The following GRIN3A variants were observed in gnomAD, a reference collection of about 807,000 sequenced individuals.
GRIN3A encodes glutamate ionotropic receptor NMDA type subunit 3A.
GRIN3A carries 47 observed loss-of-function variants against 92.4 expected under a neutral mutation model. The observed-to-expected ratio is 0.51, with a 90% CI of 0.40 to 0.65. GRIN3A has a LOEUF of 0.65. Among genes scored for constraint, GRIN3A ranks in the 30% least tolerant of loss-of-function variants. The pLI, the probability that GRIN3A is intolerant of heterozygous loss-of-function variation, is 0.00. For synonymous variants in GRIN3A, 527 were observed against 540.6 expected (o/e 0.97, Z 0.35); for missense variants, 1,324 against 1,393.1 (o/e 0.95, Z 0.79).
At chr9:101,577,918 A>G in intron 7 of GRIN3A, 74 bp from the exon 8 acceptor site, 2 of 1,041,842 alleles carry the variant, frequency 1.9e-6, no homozygotes, top group Non-Finnish European at 3.0e-6. Flanking sequence ...ACCACTTGAG[A>G]TGTAACAGTA....
chr9:101,659,108 A>C (rs1042070983), intron 3 of GRIN3A, among the ~76,000 whole-genome samples: 2 of 151,918 alleles, frequency 1.3e-5, no homozygotes, highest in Non-Finnish European at 2.9e-5. Flanking sequence ...ACACAGATAA[A>C]TATTTATTGA....
intron 3 of GRIN3A, among the ~76,000 whole-genome samples, chr9:101,637,316 A>G (rs1053994141): frequency 6.6e-6 from 1 of 152,100 alleles, no homozygotes; most frequent in Admixed American, 6.5e-5. Flanking sequence ...GATGGTCTCC[A>G]TCTCCTGACC....
intron 3 of GRIN3A, among the ~76,000 whole-genome samples, chr9:101,667,050 G>C (rs1829248145): frequency 6.6e-6 from 1 of 151,924 alleles, no homozygotes; most frequent in South Asian, 2.1e-4. Context: ...AAGATCCTCT[G>C]TTATCTCAAT....
At chr9:101,633,782 G>A (rs747890022) in intron 3 of GRIN3A, among the ~76,000 whole-genome samples, 1 of 148,606 alleles carries the variant, frequency 6.7e-6, no homozygotes, top group Non-Finnish European at 1.5e-5. Flanking sequence ...CACAAAATCG[G>A]TCCCTGGTGC....
chr9:101,601,989 A>G (rs1828217347), intron 6 of GRIN3A, among the ~76,000 whole-genome samples: 1 of 152,182 alleles, frequency 6.6e-6, no homozygotes, highest in Admixed American at 6.5e-5. Flanking sequence ...CTGAAGTCTT[A>G]TTGGACAGAA....
intron 4 of GRIN3A, among the ~76,000 whole-genome samples, chr9:101,623,717 T>C (rs1465599202): frequency 6.6e-6 from 1 of 152,234 alleles, no homozygotes; most frequent in Non-Finnish European, 1.5e-5. Flanking sequence ...CCACTCTGAA[T>C]TGAATAGGAA....
intron 6 of GRIN3A, among the ~76,000 whole-genome samples, chr9:101,600,447 T>C (rs1010178566): frequency 2.0e-5 from 3 of 152,184 alleles, no homozygotes; most frequent in African/African-American, 7.2e-5. Context: ...AGATGGACAT[T>C]AACCAAATTA....
rs187936988 is a variant in GRIN3A at position 101,696,028 on chromosome 9, C to T, written c.700-8828G>A. On this transcript the variant is annotated intron_variant, in intron 1 of 8. Coordinates refer to ENST00000361820, the MANE Select transcript of GRIN3A (RefSeq NM_133445.3). Reference sequence around the variant, plus strand: ...GCTTTGAGCTAAAGAGAAAGCCTACCTAGCATGTTACAATTTCATTTCATG... The same window carrying T: ...GCTTTGAGCTAAAGAGAAAGCCTACTTAGCATGTTACAATTTCATTTCATG... Among the ~76,000 whole-genome samples, 16 of 152,284 alleles carry T rather than the reference C, an allele frequency of 1.1e-4. No individual in the cohort carries two copies. The East Asian group carries it at 2.5e-3, about 24-fold the overall frequency.
At chr9:101,637,302 C>T (rs1828797331) in intron 3 of GRIN3A, among the ~76,000 whole-genome samples, 1 of 152,114 alleles carries the variant, frequency 6.6e-6, no homozygotes, top group African/African-American at 2.4e-5. Flanking sequence ...ACCATGTTAG[C>T]CAGGATGGTC....
rs183645311 is a variant in GRIN3A, at chr9:101,679,169, T to C, written c.1304+7427A>G. ...CCTAAGGGTTGTAGGGTATGCAGAT[T>C]GAAGTGGTCTTGAGAGATAAATCTG... On this transcript the variant is annotated intron_variant, in intron 2 of 8. Coordinates refer to ENST00000361820, the MANE Select transcript of GRIN3A (RefSeq NM_133445.3). Among the ~76,000 whole-genome samples the C allele has an allele frequency of 1.2e-4, 18 of 152,306 alleles. 1 individual carries two copies. In the East Asian group the frequency reaches 3.3e-3, roughly 28 times the overall value.
At chr9:101,596,400 A>G (rs1209408007) in intron 6 of GRIN3A, among the ~76,000 whole-genome samples, 3 of 152,220 alleles carry the variant, frequency 2.0e-5, no homozygotes, top group Non-Finnish European at 4.4e-5. Flanking sequence ...AGAAATGAGC[A>G]TGGTACAGTT....
At chr9:101,579,424 A>G in intron 6 of GRIN3A, 64 bp from the exon 7 acceptor site, 1 of 1,535,626 alleles carries the variant, frequency 6.5e-7, no homozygotes, top group Non-Finnish European at 9.0e-7. Flanking sequence ...ATGCTTGTGT[A>G]CTCTTTGGTT....
chr9:101,633,841 T>G lies in GRIN3A; in HGVS notation c.2353-5440A>C, dbSNP rs1828744798. Among the ~76,000 whole-genome samples, 2 of 152,070 alleles carry G rather than the reference T, an allele frequency of 1.3e-5. 1 individual carries two copies. The highest frequency in any genetic ancestry group is 4.2e-4 in the South Asian group (2 of 4,818). The stretch of plus-strand genomic sequence containing the variant: ...TTATAGCAAGGTTAAATGTACTGAC[T>G]AAGGTTTCTTCAAAATGTAGATTCC... On this transcript the variant is annotated intron_variant, in intron 3 of 8. Transcript: ENST00000361820.
rs186318074 is a variant in GRIN3A, at chr9:101,655,979, C to G, written c.2352+14081G>C. On this transcript the variant is annotated intron_variant, in intron 3 of 8. Coordinates refer to ENST00000361820, the MANE Select transcript of GRIN3A (RefSeq NM_133445.3). ...TGCAGATGATAAAATTATGTGAATA[C>G]AGGGGCAGCACCTTTCATTTCTTCA... Among the ~76,000 whole-genome samples, 7 of 152,004 alleles carry G rather than the reference C, an allele frequency of 4.6e-5. No homozygotes were observed. The East Asian group carries it at 1.4e-3, about 30-fold the overall frequency.
intron 1 of GRIN3A, among the ~76,000 whole-genome samples, chr9:101,730,271 C>T (rs1588301078): frequency 6.6e-6 from 1 of 152,120 alleles, no homozygotes; most frequent in Non-Finnish European, 1.5e-5. Context: ...GGTTATTTTG[C>T]TGGAGCTGGA....
chr9:101,689,366 T>C (rs543200720), intron 1 of GRIN3A, among the ~76,000 whole-genome samples: 46 of 152,162 alleles, frequency 3.0e-4, no homozygotes, highest in Admixed American at 1.0e-3. Context: ...ACGGATGAAA[T>C]TGTTGCTTTC....
chr9:101,637,818 T>C (rs1025605872), intron 3 of GRIN3A, among the ~76,000 whole-genome samples: 1 of 152,190 alleles, frequency 6.6e-6, no homozygotes, highest in African/African-American at 2.4e-5. Flanking sequence ...ACTGTACTAC[T>C]TCCTGATCTA....
At chr9:101,715,909 T>A (rs1022300379) in intron 1 of GRIN3A, among the ~76,000 whole-genome samples, 7 of 152,290 alleles carry the variant, frequency 4.6e-5, no homozygotes, top group African/African-American at 1.7e-4. Context: ...AATACATTTT[T>A]AAACATCACC....
chr9:101,614,782 C>G (rs1279543252), intron 5 of GRIN3A, among the ~76,000 whole-genome samples: 2 of 151,122 alleles, frequency 1.3e-5, no homozygotes, highest in Non-Finnish European at 2.9e-5. Context: ...ACCACCCTGG[C>G]TAATTTTTGT....
Sources: gnomAD v4.1 joint callset for allele counts (sites outside exome capture counted in the v4.1 genomes callset) on GRCh38, gnomAD v4.1.1 for gene constraint, MANE v1.5 for transcripts, NCBI Gene and HGNC (gene_info 2026-07-23, HGNC 2026-07-21) for gene names.